Variants in ZFYVE9 observed in about 807,000 individuals in gnomAD.
ZFYVE9 encodes the protein zinc finger FYVE-type containing 9.
A neutral mutation model predicts 126.7 loss-of-function variants in ZFYVE9; 43 were observed. That is an observed-to-expected ratio of 0.34 (90% confidence interval 0.27 to 0.44). The LOEUF (loss-of-function observed/expected upper bound fraction) is 0.44, where lower values mean the gene tolerates loss of function less well. Ranked by LOEUF, ZFYVE9 falls within the 20% of genes least tolerant of loss-of-function variation. The pLI, the probability that ZFYVE9 is intolerant of heterozygous loss-of-function variation, is 1.00. For synonymous variants in ZFYVE9, 521 were observed against 597.4 expected, an observed-to-expected ratio of 0.87 and a Z score of 1.87; for missense variants, 1,476 against 1,697.0, an observed-to-expected ratio of 0.87 and a Z score of 2.29.
intron 1 of ZFYVE9, among the ~76,000 whole-genome samples, chr1:52,200,684 A>G (rs534296866): frequency 2.0e-4 from 31 of 152,336 alleles, no homozygotes; most frequent in African/African-American, 7.2e-4. Context: ...TGTGAAAGGT[A>G]TAGGGGTCTG....
intron 2 of ZFYVE9, among the ~76,000 whole-genome samples, chr1:52,223,037 C>T (rs1244971841): frequency 6.6e-6 from 1 of 152,106 alleles, no homozygotes; most frequent in Non-Finnish European, 1.5e-5. Context: ...TGGGAGAAAA[C>T]ATAGGGAAAG....
At chr1:52,236,038 A>G (rs1274051238) in intron 3 of ZFYVE9, among the ~76,000 whole-genome samples, 1 of 152,140 alleles carries the variant, frequency 6.6e-6, no homozygotes, top group Non-Finnish European at 1.5e-5. Context: ...TTTGCTTATA[A>G]TTGCAGTTTC....
chr1:52,263,753 T>TGGC lies in ZFYVE9; in HGVS notation c.2179-20_2179-19insGGC. 1 of 713,088 alleles carries TGGC rather than the reference T, an allele frequency of 1.4e-6. No homozygotes were observed. The highest frequency in any genetic ancestry group is 3.0e-5 in the Admixed American group (1 of 33,706). 44.2% of individuals were successfully genotyped at this position (713,088 alleles called of 1,614,324 possible). ...ATCCCAAGTAAATTTTGTGTGTTCTTCCCCCCCCCCCCCCCACAGGTTTTC... is the reference window on the plus strand; with the variant it reads ...ATCCCAAGTAAATTTTGTGTGTTCTTGGCCCCCCCCCCCCCCCCACAGGTTTTC... On this transcript the variant is annotated intron_variant, in intron 4 of 18. Transcript: ENST00000287727.
chr1:52,257,417 A>T (rs1645532325), intron 4 of ZFYVE9, among the ~76,000 whole-genome samples: 1 of 152,168 alleles, frequency 6.6e-6, no homozygotes, highest in African/African-American at 2.4e-5. Context: ...TGCCACATTT[A>T]AAAAAATTAC....
At chr1:52,189,998 G>A (rs970212315) in intron 1 of ZFYVE9, 4 of 153,242 alleles carry the variant, frequency 2.6e-5, no homozygotes, top group African/African-American at 9.7e-5. Context: ...TTTGAATTTT[G>A]AGACCCATTC....
intron 1 of ZFYVE9, among the ~76,000 whole-genome samples, chr1:52,156,892 G>C (rs1011873823): frequency 5.9e-5 from 9 of 151,824 alleles, no homozygotes; most frequent in Admixed American, 3.3e-4. Flanking sequence ...GAGTGCAGTG[G>C]CATGATCTTG....
At chr1:52,292,473 T>C (rs1265112464) in intron 10 of ZFYVE9, among the ~76,000 whole-genome samples, 12 of 142,724 alleles carry the variant, frequency 8.4e-5, no homozygotes, top group African/African-American at 1.1e-4. Flanking sequence ...ACATTTCTTT[T>C]TTTTTTTTTT....
chr1:52,234,014 C>G (rs192620978), intron 3 of ZFYVE9, among the ~76,000 whole-genome samples: 1 of 152,094 alleles, frequency 6.6e-6, no homozygotes, highest in South Asian at 2.1e-4. Flanking sequence ...CTCCTGGTGT[C>G]AAGCAGTCCT....
intron 1 of ZFYVE9, among the ~76,000 whole-genome samples, chr1:52,154,229 T>C (rs1424137849): frequency 6.6e-6 from 1 of 152,216 alleles, no homozygotes; most frequent in Non-Finnish European, 1.5e-5. Context: ...TGTCTAATCC[T>C]GTGAAGATCA....
intron 10 of ZFYVE9, among the ~76,000 whole-genome samples, chr1:52,292,559 C>T (rs1244920291): frequency 6.6e-6 from 1 of 150,542 alleles, no homozygotes; most frequent in Non-Finnish European, 1.5e-5. Context: ...GCAACCTCCG[C>T]CTCCCAGGTT....
At chr1:52,145,568 T>G (rs750670669) in intron 1 of ZFYVE9, among the ~76,000 whole-genome samples, 2 of 152,176 alleles carry the variant, frequency 1.3e-5, no homozygotes, top group Admixed American at 1.3e-4. Context: ...GAGTTTCTTA[T>G]GTACTATTGG....
At chr1:52,201,178 T>A (rs1227108903) in intron 1 of ZFYVE9, among the ~76,000 whole-genome samples, 1 of 152,210 alleles carries the variant, frequency 6.6e-6, no homozygotes, top group African/African-American at 2.4e-5. Flanking sequence ...TGTTGTTTTT[T>A]CATATAGATC....
At chr1:52,215,230 C>A (rs1218400059) in intron 1 of ZFYVE9, among the ~76,000 whole-genome samples, 1 of 152,010 alleles carries the variant, frequency 6.6e-6, no homozygotes, top group Non-Finnish European at 1.5e-5. Context: ...TATTTTTATT[C>A]TTTCATACTT....
At chr1:52,202,932 C>G (rs1019550948) in intron 1 of ZFYVE9, among the ~76,000 whole-genome samples, 2 of 151,676 alleles carry the variant, frequency 1.3e-5, no homozygotes, top group Non-Finnish European at 2.9e-5. Flanking sequence ...GTGATCCCCC[C>G]ATCTTGGCCT....
At chr1:52,268,817 T>C (rs1310078087) in intron 7 of ZFYVE9, among the ~76,000 whole-genome samples, 185 bp downstream of exon 7, 1 of 152,106 alleles carries the variant, frequency 6.6e-6, no homozygotes, top group Admixed American at 6.6e-5. Context: ...TATTTAGAAG[T>C]TTTTTCAGGA....
intron 2 of ZFYVE9, among the ~76,000 whole-genome samples, chr1:52,216,715 C>T (rs1190239284): frequency 6.6e-6 from 1 of 152,070 alleles, no homozygotes; most frequent in Non-Finnish European, 1.5e-5. Flanking sequence ...GTGCTGGCTC[C>T]TTCGTTTTAG....
chr1:52,180,728 T>A (rs1484974236), intron 1 of ZFYVE9, among the ~76,000 whole-genome samples: 1 of 152,126 alleles, frequency 6.6e-6, no homozygotes, highest in Non-Finnish European at 1.5e-5. Context: ...GTAATCCCAG[T>A]GCTTTGGGAG....
In ZFYVE9 at chr1:52,162,384, TATGAGTTCTGCCC is replaced by T. The variant is rs1193806766; in HGVS notation, c.-143+19984_-143+19996del. 8 of 334,490 alleles carry T rather than the reference TATGAGTTCTGCCC, an allele frequency of 2.4e-5. 1 individual carries two copies. Among genetic ancestry groups the T allele is most frequent in the South Asian group, 1.1e-4 (3 of 28,542 alleles). The allele number at this position is 334,490 out of a possible 1,614,324, so 20.7% of individuals were successfully genotyped here. ...TTGCCACCACCTCCGCCACCACCAC[TATGAGTTCTGCCC>T]ATATAGATGCCTGGTATAGGTGTGC... On this transcript the variant is annotated intron_variant, in intron 1 of 18. Transcript: ENST00000287727.
intron 1 of ZFYVE9, among the ~76,000 whole-genome samples, chr1:52,154,536 ATTG>A (rs1278175314): frequency 2.0e-5 from 3 of 152,048 alleles, no homozygotes; most frequent in African/African-American, 7.2e-5. Context: ...GCTCTTCTGT[ATTG>A]GATACTTTCT....
Sources: gnomAD v4.1 joint callset for allele counts (sites outside exome capture counted in the v4.1 genomes callset) on GRCh38, gnomAD v4.1.1 for gene constraint, MANE v1.5 for transcripts, NCBI Gene and HGNC (gene_info 2026-07-23, HGNC 2026-07-21) for gene names.